Variants in RP1 observed in about 807,000 individuals in gnomAD.
The protein encoded by RP1 is RP1 axonemal microtubule associated, also known as oxygen-regulated protein 1.
A neutral mutation model predicts 14.8 loss-of-function variants in RP1; 16 were observed. The ratio of observed to expected loss-of-function variants is 1.08; its 90% CI spans 0.73 to 1.65. The LOEUF (loss-of-function observed/expected upper bound fraction) is 1.65. RP1 is among the 40% of genes most tolerant of loss of function. The pLI, the probability that RP1 is intolerant of heterozygous loss-of-function variation, is 0.00. For synonymous variants in RP1, 876 were observed against 883.6 expected (o/e 0.99, Z 0.15); for missense variants, 2,631 against 2,535.0 (o/e 1.04, Z -0.81).
chr8:54,701,415 A>C, intron 13 of RP1: 1 of 1,348,834 alleles, frequency 7.4e-7, no homozygotes, highest in Non-Finnish European at 9.8e-7. Flanking sequence ...CTGTATATGT[A>C]TATAATGTGA....
At chr8:54,817,083 G>T (rs1234916764) in intron 24 of RP1, among the ~76,000 whole-genome samples, 1 of 152,022 alleles carries the variant, frequency 6.6e-6, no homozygotes, top group Non-Finnish European at 1.5e-5. Flanking sequence ...TCAGAGGACT[G>T]AGCATGTCAT....
At chr8:54,715,633 A>C (rs1258032079) in intron 15 of RP1, among the ~76,000 whole-genome samples, 2 of 152,214 alleles carry the variant, frequency 1.3e-5, no homozygotes, top group African/African-American at 2.4e-5. Context: ...TGATTTGAGC[A>C]GAGTGGGTGA....
At chr8:54,602,736 G>C (rs1210425061) in intron 1 of RP1, among the ~76,000 whole-genome samples, 1 of 152,196 alleles carries the variant, frequency 6.6e-6, no homozygotes, top group Non-Finnish European at 1.5e-5. Flanking sequence ...ATTCTAACTG[G>C]TGTGAGATGG....
chr8:54,571,996 G>A (rs1340734437), intron 1 of RP1, among the ~76,000 whole-genome samples: 1 of 152,110 alleles, frequency 6.6e-6, no homozygotes, highest in Non-Finnish European at 1.5e-5. Flanking sequence ...AGTACTGGGG[G>A]GAAGGACTTC....
At chr8:54,600,572 T>C (rs1805251457) in intron 1 of RP1, among the ~76,000 whole-genome samples, 1 of 152,088 alleles carries the variant, frequency 6.6e-6, no homozygotes, top group South Asian at 2.1e-4. Context: ...GAGATGGAAG[T>C]CTTGGTTCCC....
chr8:54,754,153 G>C (rs1036453201), intron 19 of RP1, among the ~76,000 whole-genome samples: 1 of 152,124 alleles, frequency 6.6e-6, no homozygotes, highest in African/African-American at 2.4e-5. Context: ...TGGGTTGGGG[G>C]GAAGGGCAGC....
chr8:54,857,190 G>A (rs1429787187), intron 27 of RP1: 5 of 379,764 alleles, frequency 1.3e-5, no homozygotes, highest in Non-Finnish European at 2.2e-5. Flanking sequence ...ACAGGAAAAT[G>A]TACAGGTCAT....
chr8:54,836,365 A>G (rs1370400311), intron 24 of RP1, among the ~76,000 whole-genome samples: 1 of 152,182 alleles, frequency 6.6e-6, no homozygotes, highest in Non-Finnish European at 1.5e-5. Flanking sequence ...GTTCCATGGC[A>G]AATAGATTTC....
In RP1 at chr8:54,751,616, G is replaced by T. The variant is rs76223454; in HGVS notation, c.2809-3187G>T. ...TACATCTGGTAAATAGCAGTGCAAAGACATAAACCAAGGTCTTTTAATTCA... is the reference window on the plus strand; with the variant it reads ...TACATCTGGTAAATAGCAGTGCAAATACATAAACCAAGGTCTTTTAATTCA... On this transcript the variant is annotated intron_variant, in intron 19 of 22. Coordinates refer to the RP1 transcript ENST00000636932. 0.016 allele frequency among the ~76,000 whole-genome samples: 2,446 copies of T among 152,266 alleles called. 136 individuals are homozygous for T. In the East Asian group the frequency reaches 0.18, roughly 11 times the overall value.
Position 54,626,021 on chromosome 8 carries a change from A to G in RP1, c.2139A>G (p.Ile713Met). 1 of 1,613,990 alleles carries G rather than the reference A, an allele frequency of 6.2e-7. No homozygotes were observed. The highest frequency in any genetic ancestry group is 8.5e-7 in the Non-Finnish European group (1 of 1,179,932). ...AAGGTAGAATTACAAAGGAAATGAT[A>G]GTGCAAGATTCAGATAGTCCCCTTA... ...NTKGRITKEM[I>M]VQDSDSPLKG... The change falls in exon 4 of 4, where the codon ATA (isoleucine) becomes ATG (methionine). Residue 713 changes from isoleucine (I) to methionine (M), a missense_variant. Ile to Met is a conservative substitution (Grantham distance 10). Coordinates refer to ENST00000220676, the MANE Select transcript of RP1 (RefSeq NM_006269.2).
chr8:54,794,181 T>C (rs901052326), intron 24 of RP1, among the ~76,000 whole-genome samples: 1 of 151,834 alleles, frequency 6.6e-6, no homozygotes, highest in Non-Finnish European at 1.5e-5. Context: ...AAAATTTCAA[T>C]AGCATTTTTG....
intron 19 of RP1, among the ~76,000 whole-genome samples, chr8:54,748,462 T>C (rs931208907): frequency 3.3e-5 from 5 of 152,194 alleles, no homozygotes; most frequent in African/African-American, 1.2e-4. Flanking sequence ...GATAAATTCA[T>C]GTATTTGATA....
chr8:54,694,191 C>G (rs1563349858), intron 12 of RP1, among the ~76,000 whole-genome samples: 2 of 152,144 alleles, frequency 1.3e-5, no homozygotes, highest in African/African-American at 4.8e-5. Context: ...AGTGGATAAG[C>G]TTTTTGATGT....
chr8:54,867,850 C>A (rs1219275233), intron 28 of RP1, among the ~76,000 whole-genome samples: 1 of 152,096 alleles, frequency 6.6e-6, no homozygotes, highest in Non-Finnish European at 1.5e-5. Context: ...TTAATAAAAT[C>A]AAATCAAATA....
chr8:54,725,868 A>C (rs1345043868), intron 16 of RP1, among the ~76,000 whole-genome samples: 4 of 152,192 alleles, frequency 2.6e-5, no homozygotes, highest in Non-Finnish European at 5.9e-5. Flanking sequence ...ACTCCAAAAC[A>C]ACTTGCTTCT....
At chr8:54,790,842 T>C (rs752105932) in intron 24 of RP1, among the ~76,000 whole-genome samples, 1 of 152,026 alleles carries the variant, frequency 6.6e-6, no homozygotes, top group Non-Finnish European at 1.5e-5. Flanking sequence ...CGAAGAAAGG[T>C]TATGAGTTAA....
intron 5 of RP1, among the ~76,000 whole-genome samples, chr8:54,653,672 A>T (rs1246404960): frequency 2.6e-5 from 4 of 152,200 alleles, no homozygotes; most frequent in Non-Finnish European, 5.9e-5. Context: ...GTTACAAACG[A>T]TTCTGAAAGC....
chr8:54,746,584 T>TA lies in RP1; in HGVS notation c.2808+7562dup, dbSNP rs907977153. Among the ~76,000 whole-genome samples the TA allele has an allele frequency of 1.6e-4, 25 of 152,154 alleles. 1 individual carries two copies. The highest frequency in any genetic ancestry group is 5.1e-4 in the African/African-American group (21 of 41,440). Reference sequence around the variant, plus strand: ...ACAGATAGTAATTAACTTTGAATATTAAAAAAAGAAAGATAAGCATACATG... The same window carrying TA: ...ACAGATAGTAATTAACTTTGAATATTAAAAAAAAGAAAGATAAGCATACATG... On this transcript the variant is annotated intron_variant, in intron 19 of 22. Coordinates refer to the RP1 transcript ENST00000636932.
chr8:54,599,157 T>C (rs1362160049), intron 1 of RP1, among the ~76,000 whole-genome samples: 4 of 152,176 alleles, frequency 2.6e-5, no homozygotes, highest in African/African-American at 9.7e-5. Flanking sequence ...CTCTCTGTTG[T>C]TCAGATTGGG....
Sources: allele counts gnomAD v4.1 joint callset (sites outside exome capture counted in the v4.1 genomes callset), GRCh38; gene constraint gnomAD v4.1.1; transcripts MANE v1.5; gene names NCBI Gene and HGNC (gene_info 2026-07-23, HGNC 2026-07-21).